ATF7IP: variants seen among roughly 807,000 people sequenced by gnomAD.
The protein encoded by ATF7IP is activating transcription factor 7 interacting protein.
A neutral mutation model predicts 106.4 loss-of-function variants in ATF7IP; 23 were observed. The observed-to-expected ratio is 0.22, with a 90% CI of 0.16 to 0.31. The LOEUF (loss-of-function observed/expected upper bound fraction) is 0.31, where lower values mean the gene tolerates loss of function less well. Among genes scored for constraint, ATF7IP ranks in the 10% least tolerant of loss-of-function variants. The pLI, the probability that ATF7IP is intolerant of heterozygous loss-of-function variation, is 1.00. For missense variants in ATF7IP, 1,334 were observed against 1,524.3 expected (o/e 0.88, Z 2.08); for synonymous variants, 542 against 539.0 (o/e 1.01, Z -0.08).
intron 1 of ATF7IP, among the ~76,000 whole-genome samples, chr12:14,409,999 C>T (rs1003428088): frequency 5.9e-5 from 9 of 152,020 alleles, no homozygotes; most frequent in African/African-American, 1.9e-4. Context: ...TATTCACAGT[C>T]GCATAATCAC....
At chr12:14,423,046 G>A (rs1941617759) in intron 1 of ATF7IP, among the ~76,000 whole-genome samples, 2 of 151,968 alleles carry the variant, frequency 1.3e-5, no homozygotes, top group African/African-American at 4.8e-5. Context: ...TCACATCCTT[G>A]CCAACACTCA....
intron 12 of ATF7IP, among the ~76,000 whole-genome samples, chr12:14,480,450 T>C (rs896963188): frequency 4.6e-5 from 7 of 152,206 alleles, no homozygotes; most frequent in South Asian, 2.1e-4. Context: ...TTTTATTTAC[T>C]GTTTTAAAAA....
At chr12:14,465,257 A>T (rs1353805233) in intron 9 of ATF7IP, among the ~76,000 whole-genome samples, 1 of 151,990 alleles carries the variant, frequency 6.6e-6, no homozygotes, top group Admixed American at 6.6e-5. Context: ...AAAAAATAAA[A>T]ATATAAAAGT....
In ATF7IP at chr12:14,437,330, G is replaced by A. The variant is rs1475246623; in HGVS notation, c.1792-800G>A. Among the ~76,000 whole-genome samples, 3 of 152,048 alleles carry A rather than the reference G, an allele frequency of 2.0e-5. No individual in the cohort carries two copies. The East Asian group carries it at 5.8e-4, about 29-fold the overall frequency. On this transcript the variant is annotated intron_variant, in intron 4 of 14. Coordinates refer to ENST00000261168, the MANE Select transcript of ATF7IP (RefSeq NM_018179.5). ...AATATAGCATACATATTTGCACTTT[G>A]TAGAAAAAAGAATAGTGAGGCTGTA...
chr12:14,397,041 C>T (rs1176368124), intron 1 of ATF7IP, among the ~76,000 whole-genome samples: 1 of 152,024 alleles, frequency 6.6e-6, no homozygotes, highest in Non-Finnish European at 1.5e-5. Flanking sequence ...GCACGCCTGT[C>T]ATTCCAGCTA....
At chr12:14,400,379 C>T (rs1940123868) in intron 1 of ATF7IP, among the ~76,000 whole-genome samples, 1 of 152,076 alleles carries the variant, frequency 6.6e-6, no homozygotes, top group Non-Finnish European at 1.5e-5. Flanking sequence ...ATAACATTTC[C>T]ATGAAGACAG....
At position 14,411,570 on chromosome 12, in the gene ATF7IP, A is replaced by G. The variant is rs557850443; in HGVS notation, c.-7-12339A>G. On this transcript the variant is annotated intron_variant, in intron 1 of 14. Coordinates refer to ENST00000261168, the MANE Select transcript of ATF7IP (RefSeq NM_018179.5). The stretch of plus-strand genomic sequence containing the variant: ...TAAAAAAAACAGAAAAAGAAAAAAA[A>G]AAGCCTTTTTGTGGAAATGCCTGTT... Among the ~76,000 whole-genome samples the G allele has an allele frequency of 8.7e-4, 133 of 152,258 alleles. 1 individual carries two copies. The highest frequency in any genetic ancestry group is 3.0e-3 in the African/African-American group (125 of 41,550).
At chr12:14,407,098 A>G (rs1232758226) in intron 1 of ATF7IP, among the ~76,000 whole-genome samples, 1 of 152,236 alleles carries the variant, frequency 6.6e-6, no homozygotes, top group African/African-American at 2.4e-5. Flanking sequence ...TAAGTCCTCT[A>G]CATATAATTT....
intron 1 of ATF7IP, among the ~76,000 whole-genome samples, chr12:14,412,673 A>T (rs1940986233): frequency 6.6e-6 from 1 of 152,010 alleles, no homozygotes; most frequent in Non-Finnish European, 1.5e-5. Flanking sequence ...TATATACAAG[A>T]TTTTGTTATC....
intron 4 of ATF7IP, among the ~76,000 whole-genome samples, chr12:14,436,871 T>C (rs1942426119): frequency 6.6e-6 from 1 of 151,972 alleles, no homozygotes; most frequent in African/African-American, 2.4e-5. Flanking sequence ...CAAAACTGAA[T>C]GTTGTTTTTC....
chr12:14,487,803 C>T (rs571496998), intron 13 of ATF7IP, among the ~76,000 whole-genome samples: 1 of 152,292 alleles, frequency 6.6e-6, no homozygotes, highest in South Asian at 2.1e-4. Context: ...TCCCTGAGTT[C>T]ATCATTTTCT....
At position 14,501,738 on chromosome 12, in the gene ATF7IP, T is replaced by TA. The variant is rs1348249655; in HGVS notation, c.*3669dup. ...AATAAATATTTTGAGAAAAGTGACC[T>TA]AAAACAGCTGAAATCTTAGGTGCAT... is the stretch of plus-strand genomic sequence containing the variant. On this transcript the variant is annotated 3_prime_UTR_variant, in exon 15 of 15. Coordinates refer to ENST00000261168, the MANE Select transcript of ATF7IP (RefSeq NM_018179.5). 1.3e-5 allele frequency: 2 copies of TA among 152,196 alleles called. No homozygotes were observed. Among genetic ancestry groups the TA allele is most frequent in the Non-Finnish European group, 2.9e-5 (2 of 68,026 alleles). 9.4% of individuals were successfully genotyped at this position (152,196 alleles called of 1,614,324 possible). A position where few individuals can be genotyped will look rare whatever the true frequency, so the allele number is the denominator to read the frequency against.
Position 14,498,013 on chromosome 12 carries a change from T to C in ATF7IP, c.3753T>C (p.Arg1251=), listed in dbSNP as rs1384468940. Reference sequence around the variant, plus strand: ...TACGAGCCAAGGATATTTATGGACGTTTTGGGCCTTTCTGTGATCCTCAGT... The same window carrying C: ...TACGAGCCAAGGATATTTATGGACGCTTTGGGCCTTTCTGTGATCCTCAGT... ...FAVRAKDIYG[R]FGPFCDPQST... Residue 1251 remains arginine, a synonymous_variant, in exon 15 of 15, where the codon CGT becomes CGC. Transcript: ENST00000261168. 6.2e-7 allele frequency: 1 copy of C among 1,613,452 alleles called. No homozygotes were observed. The highest frequency in any genetic ancestry group is 1.7e-5 in the Admixed American group (1 of 60,016).
chr12:14,495,179 A>G (rs534787597), intron 13 of ATF7IP, among the ~76,000 whole-genome samples: 81 of 152,240 alleles, frequency 5.3e-4, no homozygotes, highest in South Asian at 3.7e-3. Context: ...TGAAGGGTGG[A>G]TCTGCCTTCC....
At chr12:14,435,699 T>C (rs2136617799) in intron 3 of ATF7IP, among the ~76,000 whole-genome samples, 1 of 152,310 alleles carries the variant, frequency 6.6e-6, no homozygotes, top group Middle Eastern at 3.4e-3. Context: ...GAATAAATAA[T>C]TAAAGCTGTG....
At chr12:14,490,303 A>T (rs1944769736) in intron 13 of ATF7IP, among the ~76,000 whole-genome samples, 1 of 152,176 alleles carries the variant, frequency 6.6e-6, no homozygotes, top group Admixed American at 6.5e-5. Flanking sequence ...TTCACAGGGG[A>T]TACAAATGCC....
At chr12:14,425,529 A>G in intron 2 of ATF7IP, 56 bp downstream of exon 2, 1 of 1,442,580 alleles carries the variant, frequency 6.9e-7, no homozygotes, top group Non-Finnish European at 9.2e-7. Context: ...GAACTGTTTA[A>G]TAAAACATTA....
chr12:14,395,189 A>G (rs1939768742), intron 1 of ATF7IP: 1 of 152,148 alleles, frequency 6.6e-6, no homozygotes, highest in Non-Finnish European at 1.5e-5. Flanking sequence ...GTTTATACAA[A>G]TGAACTAAGT....
intron 1 of ATF7IP, among the ~76,000 whole-genome samples, chr12:14,375,345 A>G (rs751880429): frequency 1.1e-4 from 16 of 152,132 alleles, no homozygotes; most frequent in South Asian, 2.1e-4. Flanking sequence ...ACAGTTTTCA[A>G]TGTCATCCAT....
Sources: allele counts gnomAD v4.1 joint callset (sites outside exome capture counted in the v4.1 genomes callset), GRCh38; gene constraint gnomAD v4.1.1; transcripts MANE v1.5; gene names NCBI Gene and HGNC (gene_info 2026-07-23, HGNC 2026-07-21).